PLEKHG1: variants seen among roughly 807,000 people sequenced by gnomAD.
PLEKHG1 encodes the protein pleckstrin homology domain-containing family G member 1.
In PLEKHG1, 44 loss-of-function variants were observed where a neutral mutation model predicts 100.8. The observed-to-expected ratio is 0.44, with a 90% CI of 0.34 to 0.56. PLEKHG1 has a LOEUF of 0.56. Ranked by LOEUF, PLEKHG1 falls within the 20% of genes least tolerant of loss-of-function variation. PLEKHG1 has a pLI of 0.01. For synonymous variants in PLEKHG1, 640 were observed against 662.5 expected (o/e 0.97, Z 0.52); for missense variants, 1,545 against 1,720.9 (o/e 0.90, Z 1.81).
At chr6:150,660,648 C>G (rs1224951165) in intron 3 of PLEKHG1, among the ~76,000 whole-genome samples, 1 of 152,168 alleles carries the variant, frequency 6.6e-6, no homozygotes, top group Non-Finnish European at 1.5e-5. Context: ...GCACCTCATA[C>G]TCAGAGCCAG....
At position 150,807,699 on chromosome 6, in the gene PLEKHG1, C is replaced by T. The variant is rs751306127; in HGVS notation, c.913-1406C>T. Among the ~76,000 whole-genome samples, 85 of 152,234 alleles carry T rather than the reference C, an allele frequency of 5.6e-4. 1 individual carries two copies. Among genetic ancestry groups the T allele is most frequent in the African/African-American group, 1.8e-3 (74 of 41,542 alleles). ...GAGAATGAATAAGATCTAGGCCAGG[C>T]GCCGGGGCTCACACCTATAATCCCA... On this transcript the variant is annotated intron_variant, in intron 7 of 15. Coordinates refer to ENST00000358517, the Ensembl canonical transcript of PLEKHG1.
At chr6:150,810,414 A>G (rs1787423162) in intron 10 of PLEKHG1, among the ~76,000 whole-genome samples, 1 of 151,208 alleles carries the variant, frequency 6.6e-6, no homozygotes, top group Non-Finnish European at 1.5e-5. Context: ...GCGCACCACC[A>G]CACCTGGCTA....
At chr6:150,668,952 C>T (rs908315906) in intron 3 of PLEKHG1, among the ~76,000 whole-genome samples, 1 of 152,178 alleles carries the variant, frequency 6.6e-6, no homozygotes, top group Non-Finnish European at 1.5e-5. Context: ...AAGTATCTGG[C>T]CGTCATCTTT....
chr6:150,786,763 C>G (rs1024784251), intron 4 of PLEKHG1, among the ~76,000 whole-genome samples: 2 of 152,034 alleles, frequency 1.3e-5, no homozygotes, highest in African/African-American at 4.8e-5. Flanking sequence ...GGCATGGTGG[C>G]TCACACCTAT....
At chr6:150,630,163 G>A (rs1187032016) in intron 1 of PLEKHG1, among the ~76,000 whole-genome samples, 2 of 152,340 alleles carry the variant, frequency 1.3e-5, no homozygotes, top group East Asian at 3.9e-4. Flanking sequence ...GGTACCTGGG[G>A]AATAGGTCCT....
At chr6:150,811,158 C>T (rs1052994915) in intron 10 of PLEKHG1, among the ~76,000 whole-genome samples, 1 of 152,108 alleles carries the variant, frequency 6.6e-6, no homozygotes, top group Non-Finnish European at 1.5e-5. Context: ...GTTTGCCAAC[C>T]ATGAAGACAT....
intron 15 of PLEKHG1, among the ~76,000 whole-genome samples, chr6:150,836,103 G>A (rs940528071): frequency 6.6e-6 from 1 of 152,280 alleles, no homozygotes; most frequent in Admixed American, 6.5e-5. Context: ...GAGTCTGGGT[G>A]CAGTGGCTCA....
chr6:150,831,827 A>G lies in PLEKHG1; in HGVS notation c.2716A>G (p.Arg906Gly), dbSNP rs1195564785. Residue 906 changes from arginine to glycine, a missense_variant, in exon 15 of 16, where the codon AGG becomes GGG. Coordinates refer to ENST00000358517, the Ensembl canonical transcript of PLEKHG1. This position sits in a 1 kb window ranked among gnomAD's most constrained non-coding sequence, Gnocchi z 4.1. ...GGCTCTCCTCACGCCCGTGAAGAGC[A>G]GGGCTGGCAGAGCCAGCCGCGCCAA... 5 of 1,599,836 alleles carry G rather than the reference A, an allele frequency of 3.1e-6. No individual in the cohort carries two copies. Among genetic ancestry groups the G allele is most frequent in the Non-Finnish European group, 4.3e-6 (5 of 1,171,724 alleles).
intron 2 of PLEKHG1, among the ~76,000 whole-genome samples, chr6:150,737,378 G>A (rs928208509): frequency 1.4e-4 from 21 of 146,754 alleles, no homozygotes; most frequent in Admixed American, 9.2e-4. Context: ...TGCAAGCTCC[G>A]CTTCCCGGGT....
chr6:150,834,943 G>A (rs1202120646), intron 15 of PLEKHG1, among the ~76,000 whole-genome samples: 1 of 152,156 alleles, frequency 6.6e-6, no homozygotes, highest in Non-Finnish European at 1.5e-5. Flanking sequence ...TTGACATGAT[G>A]ACTCCTTTTC....
chr6:150,801,581 G>A (rs1221107693), intron 6 of PLEKHG1, among the ~76,000 whole-genome samples: 2 of 151,584 alleles, frequency 1.3e-5, no homozygotes, highest in African/African-American at 4.9e-5. Context: ...GGGGCTCTAG[G>A]TGTGCACCAC....
At chr6:150,751,498 A>G (rs1783509772) in intron 2 of PLEKHG1, among the ~76,000 whole-genome samples, 1 of 152,222 alleles carries the variant, frequency 6.6e-6, no homozygotes, top group Admixed American at 6.5e-5. Flanking sequence ...TCAGCCCTCA[A>G]AAATGCAACC....
At chr6:150,692,388 T>C (rs886588658) in intron 3 of PLEKHG1, among the ~76,000 whole-genome samples, 5 of 152,206 alleles carry the variant, frequency 3.3e-5, no homozygotes, top group African/African-American at 7.2e-5. Flanking sequence ...TAATTAACTA[T>C]GTAATTATCA....
At chr6:150,804,938 CTT>C (rs11366163) in intron 7 of PLEKHG1, among the ~76,000 whole-genome samples, 197 bp downstream of exon 8, 13 of 147,460 alleles carry the variant, frequency 8.8e-5, no homozygotes, top group African/African-American at 7.5e-5. Flanking sequence ...GATATTATAA[CTT>C]TTTTTTTTTT....
In PLEKHG1 at chr6:150,683,757, G is replaced by A; in HGVS notation, c.-99+32971G>A. On this transcript the variant is annotated intron_variant, in intron 3 of 3. Transcript: ENST00000367326. The surrounding 1 kb of genome is among the most constrained non-coding windows in gnomAD (Gnocchi z 4.0). ...GTATCCAGGGCATAGGACGTCTGAA[G>A]GAAAGATGGAGCCATTCTTGGTGGG... The A allele has an allele frequency of 7.8e-7, 1 of 1,284,684 alleles. No individual in the cohort carries two copies. Among genetic ancestry groups the A allele is most frequent in the Non-Finnish European group, 1.0e-6 (1 of 986,768 alleles). The allele number at this position is 1,284,684 out of a possible 1,614,324, so 79.6% of individuals were successfully genotyped here. A position where few individuals can be genotyped will look rare whatever the true frequency, so the allele number is the denominator to read the frequency against.
At chr6:150,817,189 C>T (rs1776010834) in intron 10 of PLEKHG1, among the ~76,000 whole-genome samples, 1 of 152,164 alleles carries the variant, frequency 6.6e-6, no homozygotes, top group South Asian at 2.1e-4. Context: ...AATGACCATT[C>T]TGAAAGAGAG....
At chr6:150,730,947 A>G (rs956335946) in intron 1 of PLEKHG1, among the ~76,000 whole-genome samples, 2 of 152,062 alleles carry the variant, frequency 1.3e-5, no homozygotes, top group African/African-American at 4.8e-5. Flanking sequence ...GTCCCAAATC[A>G]TAGCCTCATT....
chr6:150,840,463 T>G (rs753965550), exon 16 of PLEKHG1: 1 of 1,614,150 alleles, frequency 6.2e-7, no homozygotes, highest in East Asian at 2.2e-5. Context: ...GATCTCACAC[T>G]CCAAGACTCA....
intron 2 of PLEKHG1, among the ~76,000 whole-genome samples, chr6:150,759,368 T>G (rs1784031164): frequency 6.6e-6 from 1 of 152,074 alleles, no homozygotes; most frequent in African/African-American, 2.4e-5. Flanking sequence ...GGGTGGCTGT[T>G]TTTGGTTGGC....
Sources: allele counts gnomAD v4.1 joint callset (sites outside exome capture counted in the v4.1 genomes callset), GRCh38; gene constraint gnomAD v4.1.1; non-coding constraint Gnocchi (gnomAD v3.1); transcripts MANE v1.5; gene names NCBI Gene and HGNC (gene_info 2026-07-23, HGNC 2026-07-21).